AGO3: variants seen among roughly 807,000 people sequenced by gnomAD.
AGO3 encodes the protein protein argonaute-3.
Under a neutral mutation model 105.5 loss-of-function variants are expected in AGO3, and 16 were observed. The observed-to-expected ratio is 0.15, with a 90% CI of 0.10 to 0.23. The LOEUF (loss-of-function observed/expected upper bound fraction) is 0.23. AGO3 is among the 10% of genes least tolerant of loss of function. The pLI is 1.00. For synonymous variants in AGO3, 340 were observed against 367.3 expected (o/e 0.93, Z 0.85); for missense variants, 534 against 1,088.0 (o/e 0.49, Z 7.16).
intron 2 of AGO3, among the ~76,000 whole-genome samples, chr1:35,955,871 A>C (rs778004002): frequency 6.6e-6 from 1 of 152,158 alleles, no homozygotes; most frequent in Non-Finnish European, 1.5e-5. Context: ...TTGGAATTAC[A>C]GGCGTGAGCC....
chr1:35,938,510 CGTAA>C (rs779355594), intron 1 of AGO3, among the ~76,000 whole-genome samples: 23 of 152,116 alleles, frequency 1.5e-4, no homozygotes, highest in East Asian at 3.9e-4. Context: ...AGTAATGTGT[CGTAA>C]GTATCTTTCC....
At chr1:35,982,554 T>C in intron 5 of AGO3, 1 of 673,494 alleles carries the variant, frequency 1.5e-6, no homozygotes, top group Non-Finnish European at 2.7e-6. Flanking sequence ...CTTCTCTCTA[T>C]CCTTTAGATA....
chr1:35,952,709 A>G (rs1646496052), intron 2 of AGO3, among the ~76,000 whole-genome samples: 4 of 152,286 alleles, frequency 2.6e-5, no homozygotes, highest in Admixed American at 1.3e-4. Flanking sequence ...AATGTGATGT[A>G]CAGGTTTGTA....
intron 2 of AGO3, among the ~76,000 whole-genome samples, chr1:35,956,735 G>T (rs746363673): frequency 6.7e-6 from 1 of 150,100 alleles, no homozygotes; most frequent in African/African-American, 2.5e-5. Context: ...TGCAACCTCC[G>T]CCTTCCAGGG....
chr1:35,962,725 T>G (rs1002266943), intron 2 of AGO3, among the ~76,000 whole-genome samples: 13 of 152,018 alleles, frequency 8.6e-5, no homozygotes, highest in African/African-American at 2.7e-4. Context: ...TGAAGAAACC[T>G]GCTCACTAGA....
chr1:36,022,803 A>G (rs274733), intron 11 of AGO3, among the ~76,000 whole-genome samples: 3,595 of 151,990 alleles, frequency 0.024, 127 homozygotes, highest in African/African-American at 0.081. Flanking sequence ...CTGGTGGTGG[A>G]CACCTGTAAT....
chr1:36,019,579 A>G (rs577016852), intron 11 of AGO3, among the ~76,000 whole-genome samples: 2 of 152,302 alleles, frequency 1.3e-5, no homozygotes, highest in South Asian at 4.1e-4. Flanking sequence ...CTCCTGTACA[A>G]CCAGAAAATA....
intron 2 of AGO3, among the ~76,000 whole-genome samples, chr1:35,956,204 G>A (rs1646562497): frequency 6.6e-6 from 1 of 152,126 alleles, no homozygotes; most frequent in Admixed American, 6.6e-5. Flanking sequence ...GAAAAAGAAT[G>A]AACAATTTAG....
intron 12 of AGO3, among the ~76,000 whole-genome samples, chr1:36,033,444 A>G (rs1217036149): frequency 1.3e-5 from 2 of 151,860 alleles, no homozygotes; most frequent in African/African-American, 4.8e-5. Context: ...GTTTGAGACC[A>G]GGCTGGGCAC....
Position 35,954,348 on chromosome 1 carries a change from A to C in AGO3, c.191+8485A>C, listed in dbSNP as rs1451064278. On this transcript the variant is annotated intron_variant, in intron 2 of 18. Coordinates refer to ENST00000373191, the MANE Select transcript of AGO3 (RefSeq NM_024852.4). ...AACTTGAAGATACTTTCATAAATTA[A>C]CAAATATTTACACACAAGGGACTAG... 3.3e-5 allele frequency among the ~76,000 whole-genome samples: 5 copies of C among 152,204 alleles called. No individual in the cohort carries two copies. In the East Asian group the frequency reaches 7.7e-4, roughly 23 times the overall value.
At chr1:35,965,712 T>G (rs182358977) in intron 2 of AGO3, among the ~76,000 whole-genome samples, 4 of 152,014 alleles carry the variant, frequency 2.6e-5, no homozygotes, top group Non-Finnish European at 5.9e-5. Flanking sequence ...ATAGAAACTT[T>G]GTGCCATGTA....
At chr1:35,996,799 G>A (rs1439727345) in intron 5 of AGO3, among the ~76,000 whole-genome samples, 1 of 151,526 alleles carries the variant, frequency 6.6e-6, no homozygotes, top group Non-Finnish European at 1.5e-5. Flanking sequence ...TATGTGAATG[G>A]CCAGTGAGCC....
intron 2 of AGO3, among the ~76,000 whole-genome samples, chr1:35,948,172 A>G (rs1474597306): frequency 1.3e-5 from 2 of 152,106 alleles, no homozygotes; most frequent in Non-Finnish European, 2.9e-5. Flanking sequence ...GATGAGTTAC[A>G]AGGAAATGAT....
intron 2 of AGO3, among the ~76,000 whole-genome samples, chr1:35,947,498 C>A (rs1027856873): frequency 6.6e-6 from 1 of 152,156 alleles, no homozygotes; most frequent in African/African-American, 2.4e-5. Flanking sequence ...TCCAGTATAA[C>A]CCCTTCATGA....
In AGO3 at chr1:36,070,800, G is replaced by A. The variant is rs527301510; in HGVS notation, c.*15055G>A. Reference sequence around the variant, plus strand: ...CACCTTGTGCAGTGAGATAGCTAACGCTGATATATCAGGAATAATTTTAAA... The same window carrying A: ...CACCTTGTGCAGTGAGATAGCTAACACTGATATATCAGGAATAATTTTAAA... On this transcript the variant is annotated 3_prime_UTR_variant, in exon 19 of 19. Coordinates refer to ENST00000373191, the MANE Select transcript of AGO3 (RefSeq NM_024852.4). 1.3e-5 allele frequency: 2 copies of A among 152,296 alleles called. No individual in the cohort carries two copies. Among genetic ancestry groups the A allele is most frequent in the Admixed American group, 6.5e-5 (1 of 15,298 alleles). The allele number at this position is 152,296 out of a possible 1,614,324, so 9.4% of individuals were successfully genotyped here. A position where few individuals can be genotyped will look rare whatever the true frequency, so the allele number is the denominator to read the frequency against.
Position 36,067,834 on chromosome 1 carries a change from A to C in AGO3, c.*12089A>C, listed in dbSNP as rs1557723527. On this transcript the variant is annotated 3_prime_UTR_variant, in exon 19 of 19. Coordinates refer to ENST00000373191, the MANE Select transcript of AGO3 (RefSeq NM_024852.4). ...GAGTGAGACTCCGTCTCAAAAAAAA[A>C]AAAAAGAAGGAATAGGAAAAGGACT... 6.6e-6 allele frequency: 1 copy of C among 152,222 alleles called. No individual in the cohort carries two copies. The highest frequency in any genetic ancestry group is 2.4e-5 in the African/African-American group (1 of 41,452). The allele number at this position is 152,222 out of a possible 1,614,324, so 9.4% of individuals were successfully genotyped here. A position where few individuals can be genotyped will look rare whatever the true frequency, so the allele number is the denominator to read the frequency against.
intron 12 of AGO3, among the ~76,000 whole-genome samples, chr1:36,030,081 A>G (rs777828153): frequency 2.6e-5 from 4 of 152,214 alleles, no homozygotes; most frequent in Non-Finnish European, 5.9e-5. Context: ...GAAACAATAA[A>G]CAAATAGTTT....
chr1:35,972,493 C>G (rs1188348033), intron 4 of AGO3, among the ~76,000 whole-genome samples: 2 of 152,142 alleles, frequency 1.3e-5, no homozygotes, highest in Non-Finnish European at 2.9e-5. Flanking sequence ...CTCTTAGGAT[C>G]TAAAAGTCTT....
chr1:35,965,489 C>CCAAAA (rs1646755928), intron 2 of AGO3, among the ~76,000 whole-genome samples: 1 of 87,452 alleles, frequency 1.1e-5, no homozygotes, highest in African/African-American at 4.2e-5. Context: ...GACGCTGTCT[C>CCAAAA]AAAAAAAAAA....
Sources: allele counts gnomAD v4.1 joint callset (sites outside exome capture counted in the v4.1 genomes callset), GRCh38; gene constraint gnomAD v4.1.1; transcripts MANE v1.5; gene names NCBI Gene and HGNC (gene_info 2026-07-23, HGNC 2026-07-21).